The following ADGRD1 variants were observed in gnomAD, a reference collection of about 807,000 sequenced individuals.
ADGRD1 encodes the protein G-protein coupled receptor 133.
Under a neutral mutation model 113.4 loss-of-function variants are expected in ADGRD1, and 77 were observed. That is an observed-to-expected ratio of 0.68 (90% CI 0.57 to 0.82). The LOEUF is 0.82. ADGRD1 is among the 40% of genes least tolerant of loss of function. ADGRD1 has a pLI of 0.00. For missense variants in ADGRD1, 1,036 were observed against 1,139.1 expected, an observed-to-expected ratio of 0.91 and a Z score of 1.30; for synonymous variants, 474 against 475.0, an observed-to-expected ratio of 1.00 and a Z score of 0.03.
At chr12:131,012,630 G>A (rs572065661) in intron 12 of ADGRD1, among the ~76,000 whole-genome samples, 4 of 152,198 alleles carry the variant, frequency 2.6e-5, no homozygotes, top group Non-Finnish European at 4.4e-5. Context: ...GAGGTGGGAC[G>A]TGCTCCTGCT....
chr12:131,047,358 A>G (rs1159588592), intron 13 of ADGRD1, among the ~76,000 whole-genome samples: 3 of 152,120 alleles, frequency 2.0e-5, no homozygotes, highest in Non-Finnish European at 4.4e-5. Flanking sequence ...TGTCCTCCGC[A>G]CCTGGAGCCT....
chr12:130,974,498 G>A (rs952886318), intron 4 of ADGRD1, among the ~76,000 whole-genome samples: 6 of 152,192 alleles, frequency 3.9e-5, no homozygotes, highest in Admixed American at 1.3e-4. Flanking sequence ...TGATTAGAAC[G>A]TGGGAAGCAT....
At chr12:130,972,588 C>T (rs1871804606) in intron 4 of ADGRD1, among the ~76,000 whole-genome samples, 1 of 151,966 alleles carries the variant, frequency 6.6e-6, no homozygotes. Context: ...TCAAGCAGCT[C>T]CATAAACATC....
chr12:130,987,327 C>A lies in ADGRD1; in HGVS notation c.723C>A (p.Ala241=), dbSNP rs770612786. Residue 241 remains alanine (A), a synonymous_variant, in exon 6 of 25, where the codon GCC becomes GCA. Transcript: ENST00000261654. ...GGGCTCTGACTCCGGATGAGATCGC[C>A]ATGTACTTCACTGCTGCCATTGGTC... is the stretch of plus-strand genomic sequence containing the variant. ...WERALTPDEI[A]MYFTAAIGKH... is the part of the protein sequence containing the mutation. 23 of 1,614,052 alleles carry A rather than the reference C, an allele frequency of 1.4e-5. 1 individual carries two copies. Among genetic ancestry groups the A allele is most frequent in the Non-Finnish European group, 1.9e-5 (22 of 1,180,042 alleles).
chr12:131,137,718 A>G, intron 23 of ADGRD1: 2 of 263,486 alleles, frequency 7.6e-6, no homozygotes, highest in Non-Finnish European at 1.5e-5. Flanking sequence ...GCATGATCAC[A>G]AAGCCCAGTG....
intron 13 of ADGRD1, among the ~76,000 whole-genome samples, chr12:131,036,967 T>C (rs1881516054): frequency 1.1e-5 from 1 of 87,174 alleles, no homozygotes; most frequent in African/African-American, 3.9e-5. Flanking sequence ...AGCAACAGAA[T>C]CTTACTCACT....
In ADGRD1 at chr12:131,096,525, C is replaced by T. The variant is rs1043991745; in HGVS notation, c.1672-8306C>T. Among the ~76,000 whole-genome samples the T allele has an allele frequency of 6.6e-6, 1 of 152,224 alleles. No individual in the cohort carries two copies. Among genetic ancestry groups the T allele is most frequent in the Non-Finnish European group, 1.5e-5 (1 of 68,044 alleles). On this transcript the variant is annotated intron_variant, in intron 15 of 24. Transcript: ENST00000261654. The surrounding 1 kb of genome is among the most constrained non-coding windows in gnomAD (Gnocchi z 5.2). ...TGCATAGCTCTCCCGCGGGTGGACA[C>T]TGAAGTCATGGTGGTCTTTGGCCGC... is the stretch of plus-strand genomic sequence containing the variant.
At chr12:131,016,466 G>A (rs948534656) in intron 13 of ADGRD1, among the ~76,000 whole-genome samples, 1 of 152,224 alleles carries the variant, frequency 6.6e-6, no homozygotes, top group South Asian at 2.1e-4. Context: ...CCCCTCTGCC[G>A]TGATGTCAGT....
At chr12:131,016,137 C>T (rs963829073) in intron 13 of ADGRD1, among the ~76,000 whole-genome samples, 7 of 152,236 alleles carry the variant, frequency 4.6e-5, no homozygotes, top group East Asian at 3.8e-4. Flanking sequence ...AAGCCCTCTG[C>T]GGCCTGCACA....
At chr12:131,134,105 G>C (rs1183139906) in intron 21 of ADGRD1, among the ~76,000 whole-genome samples, 2 of 152,336 alleles carry the variant, frequency 1.3e-5, no homozygotes, top group African/African-American at 4.8e-5. Context: ...AAAAGAAGCA[G>C]AGAATGGTCA....
chr12:131,081,198 C>A (rs902719341), intron 14 of ADGRD1, among the ~76,000 whole-genome samples: 2 of 152,026 alleles, frequency 1.3e-5, no homozygotes, highest in African/African-American at 4.8e-5. Context: ...TTTTAGACTG[C>A]ATGTAGCTGG....
At chr12:131,107,164 C>T (rs1950250206) in intron 17 of ADGRD1, among the ~76,000 whole-genome samples, 1 of 151,758 alleles carries the variant, frequency 6.6e-6, no homozygotes, top group Non-Finnish European at 1.5e-5. Context: ...TCTGATGGGT[C>T]CCGCTTTCCC....
intron 20 of ADGRD1, chr12:131,121,809 C>G (rs147677454): frequency 3.3e-5 from 5 of 152,340 alleles, no homozygotes; most frequent in African/African-American, 1.2e-4. Context: ...TCTGCCTCCC[C>G]GGATGGAAAC....
Position 130,991,459 on chromosome 12 carries a change from G to A in ADGRD1, c.810+381G>A, listed in dbSNP as rs530359521. 7.6e-4 allele frequency among the ~76,000 whole-genome samples: 116 copies of A among 152,264 alleles called. 1 individual carries two copies. The highest frequency in any genetic ancestry group is 1.5e-3 in the Non-Finnish European group (101 of 68,014). ...AAATTCTTGTCTGGAATTAGTGTTT[G>A]TAGTTAAAGAACTGTCCTTTCTTGA... On this transcript the variant is annotated intron_variant, in intron 7 of 24. Coordinates refer to ENST00000261654, the MANE Select transcript of ADGRD1 (RefSeq NM_198827.5).
intron 15 of ADGRD1, among the ~76,000 whole-genome samples, chr12:131,097,977 C>T (rs77972509): frequency 0.26 from 39,287 of 152,222 alleles, 5,951 homozygotes; most frequent in South Asian, 0.44. Context: ...TGCCTGGGCT[C>T]CTGCTGGCAT....
At chr12:130,969,163 C>T (rs888411866) in intron 3 of ADGRD1, 3 of 744,666 alleles carry the variant, frequency 4.0e-6, no homozygotes, top group African/African-American at 3.5e-5. Context: ...TATCTGAATT[C>T]ACTATGTCTT....
chr12:131,049,686 C>A (rs1259564649), intron 13 of ADGRD1, among the ~76,000 whole-genome samples: 1 of 152,174 alleles, frequency 6.6e-6, no homozygotes, highest in Non-Finnish European at 1.5e-5. Flanking sequence ...GTGTGTGCTG[C>A]CGTCTGGGGT....
In ADGRD1 at chr12:130,965,399, A is replaced by G. The variant is rs1870895869; in HGVS notation, c.104-1064A>G. Among the ~76,000 whole-genome samples the G allele has an allele frequency of 6.6e-6, 1 of 152,216 alleles. No homozygotes were observed. The highest frequency in any genetic ancestry group is 2.4e-5 in the African/African-American group (1 of 41,448). On this transcript the variant is annotated intron_variant, in intron 2 of 24. Coordinates refer to ENST00000261654, the MANE Select transcript of ADGRD1 (RefSeq NM_198827.5). The surrounding 1 kb of genome is among the most constrained non-coding windows in gnomAD (Gnocchi z 4.8). ...TAAAAAGTATTTTTTTTAAAAAAAC[A>G]AGGACTAACATAGAGACTATTAGTC...
intron 20 of ADGRD1, among the ~76,000 whole-genome samples, chr12:131,123,083 T>G (rs1460938661): frequency 7.3e-6 from 1 of 136,908 alleles, no homozygotes; most frequent in Non-Finnish European, 1.6e-5. Flanking sequence ...TGCGACAGAG[T>G]CTTCGCTCTG....
Sources: gnomAD v4.1 joint callset for allele counts (sites outside exome capture counted in the v4.1 genomes callset) on GRCh38, gnomAD v4.1.1 for gene constraint, Gnocchi (gnomAD v3.1) non-coding constraint, MANE v1.5 for transcripts, NCBI Gene and HGNC (gene_info 2026-07-23, HGNC 2026-07-21) for gene names.